RBFOX3: variants seen among roughly 807,000 people sequenced by gnomAD.
RBFOX3 encodes RNA binding fox-1 homolog 3.
A neutral mutation model predicts 48.7 loss-of-function variants in RBFOX3; 17 were observed. That is an observed-to-expected ratio of 0.35 (90% CI 0.24 to 0.52). The LOEUF (loss-of-function observed/expected upper bound fraction) is 0.52, where lower values mean the gene tolerates loss of function less well. Among genes scored for constraint, RBFOX3 ranks in the 20% least tolerant of loss-of-function variants. The pLI is 0.94. For missense variants in RBFOX3, 382 were observed against 497.5 expected, an observed-to-expected ratio of 0.77 and a Z score of 2.21; for synonymous variants, 212 against 209.5, an observed-to-expected ratio of 1.01 and a Z score of -0.10.
intron 4 of RBFOX3, among the ~76,000 whole-genome samples, chr17:79,153,866 C>T (rs963195850): frequency 1.3e-5 from 2 of 152,162 alleles, no homozygotes; most frequent in South Asian, 4.1e-4. Flanking sequence ...AGGCCTGAGC[C>T]CCGGCTGCCC....
At chr17:79,337,905 C>CTT (rs774611814) in intron 2 of RBFOX3, among the ~76,000 whole-genome samples, 6 of 151,830 alleles carry the variant, frequency 4.0e-5, no homozygotes, top group Non-Finnish European at 8.8e-5. Context: ...TAAATTTTTG[C>CTT]TTCTGTTTCA....
At chr17:79,660,960 T>C in the RBFOX3 span, among the ~76,000 whole-genome samples, 4 of 152,154 alleles carry the variant, frequency 2.6e-5, no homozygotes, top group African/African-American at 9.7e-5. Context: ...AAAAAAGGAA[T>C]GAGAACATGT....
At chr17:79,177,972 T>C (rs2050970253) in intron 4 of RBFOX3, among the ~76,000 whole-genome samples, 1 of 152,094 alleles carries the variant, frequency 6.6e-6, no homozygotes, top group Non-Finnish European at 1.5e-5. Context: ...CCAGGGAAGT[T>C]GGAGGTCCGA....
intron 1 of RBFOX3, among the ~76,000 whole-genome samples, chr17:79,550,195 G>A (rs1161571912): frequency 2.6e-5 from 4 of 152,178 alleles, no homozygotes; most frequent in Non-Finnish European, 5.9e-5. Context: ...TGAGCCCAGG[G>A]AAACAAGAGG....
At chr17:79,118,408 C>T (rs1324033920) in intron 4 of RBFOX3, among the ~76,000 whole-genome samples, 6 of 151,932 alleles carry the variant, frequency 3.9e-5, no homozygotes, top group Admixed American at 6.6e-5. Context: ...GTGTTGGTGA[C>T]GGAGTCCAGT....
At chr17:79,559,132 G>A (rs2091995754) in intron 1 of RBFOX3, among the ~76,000 whole-genome samples, 1 of 152,066 alleles carries the variant, frequency 6.6e-6, no homozygotes, top group African/African-American at 2.4e-5. Context: ...GTTCTCACTG[G>A]AATAGAGCTC....
At chr17:79,100,521 G>A (rs2076225470) in intron 9 of RBFOX3, 1 of 152,240 alleles carries the variant, frequency 6.6e-6, no homozygotes, top group South Asian at 2.1e-4. Context: ...CGGGGGAGAG[G>A]TGGCGGATCG....
At chr17:79,104,025 G>A (rs368926167) in intron 7 of RBFOX3, 48 bp downstream of exon 7, 29 of 1,489,546 alleles carry the variant, frequency 1.9e-5, no homozygotes, top group East Asian at 1.2e-4. Flanking sequence ...TTAGCCTGGC[G>A]GGACCTACAG....
At position 79,303,507 on chromosome 17, in the gene RBFOX3, G is replaced by C. The variant is rs532477996; in HGVS notation, c.-74+4217C>G. ...GGCCAGGGATTTGGGTCTCTTTTAA[G>C]CCTGATTTTATTAAAAGTCCCCTGA... On this transcript the variant is annotated intron_variant, in intron 3 of 14. Coordinates refer to ENST00000693108, the MANE Select transcript of RBFOX3 (RefSeq NM_001350451.2). Among the ~76,000 whole-genome samples the C allele has an allele frequency of 6.6e-5, 10 of 152,090 alleles. No homozygotes were observed. In the South Asian group the frequency reaches 2.1e-3, roughly 32 times the overall value.
chr17:79,468,779 A>T (rs34145495), intron 2 of RBFOX3, among the ~76,000 whole-genome samples: 66,091 of 146,402 alleles, frequency 0.45, 14,661 homozygotes, highest in African/African-American at 0.56. Flanking sequence ...ATAGATAGAT[A>T]GATAGGAAGA....
At chr17:79,160,866 A>G (rs144946049) in intron 4 of RBFOX3, among the ~76,000 whole-genome samples, 3,459 of 151,832 alleles carry the variant, frequency 0.023, 74 homozygotes, top group South Asian at 0.1. Flanking sequence ...TGTAATCCCA[A>G]CTACTTAGGA....
chr17:79,296,333 T>C (rs1254010485), intron 3 of RBFOX3, among the ~76,000 whole-genome samples: 1 of 151,284 alleles, frequency 6.6e-6, no homozygotes, highest in Non-Finnish European at 1.5e-5. Flanking sequence ...ACACACAAAA[T>C]CTGATTTTGA....
chr17:79,316,382 G>C (rs1226159530), intron 2 of RBFOX3, among the ~76,000 whole-genome samples: 1 of 152,238 alleles, frequency 6.6e-6, no homozygotes, highest in African/African-American at 2.4e-5. Flanking sequence ...GGTCGGTGCT[G>C]TCCAGCTCAG....
At chr17:79,658,450 C>T in the RBFOX3 span, among the ~76,000 whole-genome samples, 1 of 149,038 alleles carries the variant, frequency 6.7e-6, no homozygotes, top group Non-Finnish European at 1.5e-5. Flanking sequence ...TCTCCTCCTC[C>T]TCCACCCCTC....
rs1225523528 is a variant in RBFOX3 at position 79,252,123 on chromosome 17, G to A, written c.-73-16318C>T. Among the ~76,000 whole-genome samples the A allele has an allele frequency of 1.3e-5, 2 of 152,172 alleles. No individual in the cohort carries two copies. Among genetic ancestry groups the A allele is most frequent in the Non-Finnish European group, 2.9e-5 (2 of 68,026 alleles). On this transcript the variant is annotated intron_variant, in intron 3 of 14. Transcript: ENST00000693108. The surrounding 1 kb of genome is among the most constrained non-coding windows in gnomAD (Gnocchi z 4.0). ...GCCCACACCCTCCTGGTCTCCCCAT[G>A]GCTCTGGCCCTTCCTCCTGCCTTTG...
rs2074947178 is a variant in RBFOX3 at position 79,299,357 on chromosome 17, G to T, written c.-74+8367C>A. Among the ~76,000 whole-genome samples, 3 of 152,096 alleles carry T rather than the reference G, an allele frequency of 2.0e-5. No homozygotes were observed. Among genetic ancestry groups the T allele is most frequent in the South Asian group, 2.1e-4 (1 of 4,814 alleles). ...ATGGGACTGTACAGGCAGTCCTCTG[G>T]ATCTTAGAGTTCTGCATCCATGGAT... On this transcript the variant is annotated intron_variant, in intron 3 of 14. Transcript: ENST00000693108. This position sits in a 1 kb window ranked among gnomAD's most constrained non-coding sequence, Gnocchi z 4.5.
Position 79,607,743 on chromosome 17 carries a change from G to A in RBFOX3, c.-320+3083C>T, listed in dbSNP as rs2093867046. On this transcript the variant is annotated intron_variant, in intron 1 of 14. Coordinates refer to ENST00000693108, the MANE Select transcript of RBFOX3 (RefSeq NM_001350451.2). The stretch of plus-strand genomic sequence containing the variant: ...GCCAGGGCTGAATGTGGCTGGGAGA[G>A]AGGTGTCAAAGAAGGCTGCAGGGGA... 2.0e-5 allele frequency among the ~76,000 whole-genome samples: 3 copies of A among 152,224 alleles called. No homozygotes were observed. In the South Asian group the frequency reaches 6.2e-4, roughly 31 times the overall value.
the RBFOX3 span, among the ~76,000 whole-genome samples, chr17:79,627,692 T>A: frequency 3.3e-5 from 5 of 152,158 alleles, no homozygotes; most frequent in African/African-American, 1.2e-4. Context: ...GCTGGGGTGG[T>A]AGGGAGGAGA....
rs1320328797 is a variant in RBFOX3 at position 79,421,657 on chromosome 17, C to T, written c.-175+60797G>A. Among the ~76,000 whole-genome samples the T allele has an allele frequency of 2.6e-5, 4 of 152,106 alleles. No individual in the cohort carries two copies. The highest frequency in any genetic ancestry group is 2.1e-4 in the South Asian group (1 of 4,820). On this transcript the variant is annotated intron_variant, in intron 2 of 14. Transcript: ENST00000693108. The surrounding 1 kb of genome is among the most constrained non-coding windows in gnomAD (Gnocchi z 4.5). ...GGCATGCGGGACCCCAGGGGCACACCGAACGCGGTCACCATAGGACCAAAC... is the reference window on the plus strand; with the variant it reads ...GGCATGCGGGACCCCAGGGGCACACTGAACGCGGTCACCATAGGACCAAAC...
Sources: allele counts gnomAD v4.1 joint callset (sites outside exome capture counted in the v4.1 genomes callset), GRCh38; gene constraint gnomAD v4.1.1; non-coding constraint Gnocchi (gnomAD v3.1); transcripts MANE v1.5; gene names NCBI Gene and HGNC (gene_info 2026-07-23, HGNC 2026-07-21).